Variants in NEK4 observed in about 807,000 individuals in gnomAD.
NEK4 encodes NIMA related kinase 4, also known as serine/threonine-protein kinase Nek4.
A neutral mutation model predicts 98.4 loss-of-function variants in NEK4; 86 were observed. The observed-to-expected ratio is 0.87, with a 90% CI of 0.73 to 1.05. The LOEUF (loss-of-function observed/expected upper bound fraction) is 1.05. Among genes scored for constraint, NEK4 ranks in the 50% least tolerant of loss-of-function variants. NEK4 has a pLI of 0.00. For missense variants in NEK4, 898 were observed against 950.3 expected (o/e 0.94, Z 0.72); for synonymous variants, 328 against 342.2 (o/e 0.96, Z 0.46).
At chr3:52,728,578 G>T (rs2097366686) in intron 15 of NEK4, among the ~76,000 whole-genome samples, 2 of 152,168 alleles carry the variant, frequency 1.3e-5, no homozygotes, top group African/African-American at 4.8e-5. Context: ...TAAAACATGT[G>T]TGTTTGAACA....
rs2097350475 is a variant in NEK4, at chr3:52,711,635, C to G, written c.*142G>C. 3.3e-6 allele frequency: 2 copies of G among 611,664 alleles called. No individual in the cohort carries two copies. Among genetic ancestry groups the G allele is most frequent in the Non-Finnish European group, 5.9e-6 (2 of 338,412 alleles). The allele number at this position is 611,664 out of a possible 1,614,324, so 37.9% of individuals were successfully genotyped here. A position where few individuals can be genotyped will look rare whatever the true frequency, so the allele number is the denominator to read the frequency against. On this transcript the variant is annotated 3_prime_UTR_variant, in exon 16 of 16. Coordinates refer to ENST00000233027, the MANE Select transcript of NEK4 (RefSeq NM_003157.6). ...TATTCTGTTCTGTCCAATTTCTTTT[C>G]TGTAGGGAAACGCCAAAGAGATATA...
intron 12 of NEK4, among the ~76,000 whole-genome samples, chr3:52,741,866 G>A (rs1416619693): frequency 4.0e-5 from 6 of 151,876 alleles, no homozygotes; most frequent in Non-Finnish European, 7.4e-5. Flanking sequence ...AGCAACTTCC[G>A]ACTCTCTGGT....
chr3:52,711,926 T>C, intron 15 of NEK4, 57 bp from the exon 16 acceptor site: 6 of 979,434 alleles, frequency 6.1e-6, no homozygotes, highest in Non-Finnish European at 9.4e-6. Context: ...AATATTTCTG[T>C]AATCTTAGAG....
At position 52,770,743 on chromosome 3, in the gene NEK4, G is replaced by T. The variant is rs866548949; in HGVS notation, c.4C>A (p.Pro2Thr). ...CGCAGGTAGCAGTAGGCGGCCAGGGGCATGTTCCCAGCGCTGGCCCAGAGT... is the reference window on the plus strand; with the variant it reads ...CGCAGGTAGCAGTAGGCGGCCAGGGTCATGTTCCCAGCGCTGGCCCAGAGT... MPLAAYCYLRVV... is the reference protein window; with the variant it reads MTLAAYCYLRVV... The change falls in exon 1 of 16, where the codon CCC becomes ACC. Residue 2 changes from proline (P) to threonine (T), a missense_variant. Pro to Thr is a conservative substitution (Grantham distance 38, BLOSUM62 -1). Coordinates refer to ENST00000233027, the MANE Select transcript of NEK4 (RefSeq NM_003157.6). 6 of 1,564,654 alleles carry T rather than the reference G, an allele frequency of 3.8e-6. No homozygotes were observed. The East Asian group carries it at 1.4e-4, about 37-fold the overall frequency.
Position 52,758,178 on chromosome 3 carries a change from C to CA in NEK4, c.963+2616dup, listed in dbSNP as rs35117059. On this transcript the variant is annotated intron_variant, in intron 6 of 15. Transcript: ENST00000233027. The stretch of plus-strand genomic sequence containing the variant: ...TGGGTGACACAGCAAGACACCATCT[C>CA]AAAAAAAAAAAAAAAAAAAAAAAAA... 7.1e-3 allele frequency among the ~76,000 whole-genome samples: 446 copies of CA among 62,592 alleles called. 5 individuals are homozygous for CA. Among genetic ancestry groups the CA allele is most frequent in the East Asian group, 0.016 (32 of 2,004 alleles). The allele number at this position is 62,592 out of a possible 152,430, so 41.1% of individuals were successfully genotyped here. A position where few individuals can be genotyped will look rare whatever the true frequency, so the allele number is the denominator to read the frequency against.
chr3:52,770,670 C>T lies in NEK4; in HGVS notation c.77G>A (p.Arg26Gln), dbSNP rs756861186. 2 of 1,564,286 alleles carry T rather than the reference C, an allele frequency of 1.3e-6. No homozygotes were observed. The highest frequency in any genetic ancestry group is 3.8e-5 in the Admixed American group (2 of 53,232). Residue 26 changes from arginine to glutamine, a missense_variant, in exon 1 of 16, where the codon CGG becomes CAG. Coordinates refer to ENST00000233027, the MANE Select transcript of NEK4 (RefSeq NM_003157.6). ...SYGEVTLVKH[R>Q]RDGKQYVIKK... ...CCTGCAGACCTGCTTGCCGTCCCGCCGGTGCTTCACAAGCGTCACCTCTCC... is the reference window on the plus strand; with the variant it reads ...CCTGCAGACCTGCTTGCCGTCCCGCTGGTGCTTCACAAGCGTCACCTCTCC...
chr3:52,721,584 T>A (rs1037156602), intron 15 of NEK4, among the ~76,000 whole-genome samples: 1 of 151,776 alleles, frequency 6.6e-6, no homozygotes, highest in African/African-American at 2.4e-5. Flanking sequence ...AAATTTTTTT[T>A]AATTAGCTAA....
chr3:52,712,357 C>A (rs1315736300), intron 15 of NEK4, among the ~76,000 whole-genome samples: 1 of 152,200 alleles, frequency 6.6e-6, no homozygotes, highest in Non-Finnish European at 1.5e-5. Context: ...CTGCTCAAAC[C>A]TCTAGGGGAC....
intron 5 of NEK4, among the ~76,000 whole-genome samples, chr3:52,761,283 T>C (rs935850483): frequency 1.3e-5 from 2 of 152,112 alleles, no homozygotes; most frequent in Non-Finnish European, 2.9e-5. Flanking sequence ...TTTTCTTTCT[T>C]TTTTTAAAAA....
At chr3:52,768,683 A>C in intron 1 of NEK4, 79 bp from the exon 2 acceptor site, 2 of 1,400,204 alleles carry the variant, frequency 1.4e-6, no homozygotes, top group Non-Finnish European at 2.0e-6. Context: ...AGGGCTCTCA[A>C]GAATACCCTC....
At chr3:52,769,719 C>T (rs1349829787) in intron 1 of NEK4, among the ~76,000 whole-genome samples, 1 of 152,216 alleles carries the variant, frequency 6.6e-6, no homozygotes. Flanking sequence ...TGGAGCAGTC[C>T]TACTGTCCTG....
At chr3:52,743,954 A>G (rs1031573232) in intron 11 of NEK4, among the ~76,000 whole-genome samples, 1 of 152,206 alleles carries the variant, frequency 6.6e-6, no homozygotes, top group African/African-American at 2.4e-5. Flanking sequence ...AAAGTTAAAC[A>G]TTCACTTGAT....
At position 52,718,082 on chromosome 3, in the gene NEK4, C is replaced by T. The variant is rs1457637306; in HGVS notation, c.2434-6213G>A. On this transcript the variant is annotated intron_variant, in intron 15 of 15. Transcript: ENST00000233027. ...GTTCTGGGATCACAGGCGTGAGCTA[C>T]TGCACCTGGCCTCAATTATTTAATT... Among the ~76,000 whole-genome samples, 4 of 152,236 alleles carry T rather than the reference C, an allele frequency of 2.6e-5. No individual in the cohort carries two copies. In the East Asian group the frequency reaches 7.7e-4, roughly 29 times the overall value.
At chr3:52,728,162 C>T (rs2097366289) in intron 15 of NEK4, among the ~76,000 whole-genome samples, 1 of 152,168 alleles carries the variant, frequency 6.6e-6, no homozygotes, top group Non-Finnish European at 1.5e-5. Flanking sequence ...CACTTGAGCC[C>T]AAGGGTTCAA....
At chr3:52,725,531 C>A (rs199943990) in intron 15 of NEK4, among the ~76,000 whole-genome samples, 13,312 of 144,586 alleles carry the variant, frequency 0.092, 1,414 homozygotes, top group African/African-American at 0.29. Context: ...CAAAACAAAA[C>A]AAAAAAAAAA....
At chr3:52,726,313 T>G (rs898764008) in intron 15 of NEK4, among the ~76,000 whole-genome samples, 85 of 152,212 alleles carry the variant, frequency 5.6e-4, no homozygotes, top group African/African-American at 1.9e-3. Flanking sequence ...AATAGAGGAC[T>G]TGGGGCTGGG....
At position 52,746,751 on chromosome 3, in the gene NEK4, G is replaced by A. The variant is rs770605263; in HGVS notation, c.1660C>T (p.Arg554Cys). 42 of 1,613,390 alleles carry A rather than the reference G, an allele frequency of 2.6e-5. No individual in the cohort carries two copies. The highest frequency in any genetic ancestry group is 4.5e-5 in the East Asian group (2 of 44,860). Reference sequence around the variant, plus strand: ...TGACTTACAGCAAAGAGATCTCTGCGGACCTGTCTCTTTTCCCCTCTGTGC... The same window carrying A: ...TGACTTACAGCAAAGAGATCTCTGCAGACCTGTCTCTTTTCCCCTCTGTGC... ...TEHRGEKRQV[R>C]RDLFAFQESP... Residue 554 changes from arginine to cysteine, a missense_variant, in exon 9 of 16, where the codon CGC becomes TGC. Coordinates refer to ENST00000233027, the MANE Select transcript of NEK4 (RefSeq NM_003157.6).
At chr3:52,738,696 C>T (rs2097380574) in intron 14 of NEK4, among the ~76,000 whole-genome samples, 1 of 152,118 alleles carries the variant, frequency 6.6e-6, no homozygotes, top group African/African-American at 2.4e-5. Flanking sequence ...AGCAATCTGC[C>T]CTCCTCAGCC....
chr3:52,766,060 AAAAAG>A, intron 3 of NEK4, 66 bp from the exon 4 acceptor site: 2 of 1,469,256 alleles, frequency 1.4e-6, no homozygotes. Flanking sequence ...TTCCCTTTAA[AAAAAG>A]AAAACATTTT....
Sources: gnomAD v4.1 joint callset for allele counts (sites outside exome capture counted in the v4.1 genomes callset) on GRCh38, gnomAD v4.1.1 for gene constraint, MANE v1.5 for transcripts, NCBI Gene and HGNC (gene_info 2026-07-23, HGNC 2026-07-21) for gene names.